The following ERC1 variants were observed in gnomAD, a reference collection of about 807,000 sequenced individuals.
ERC1 encodes the protein ELKS/RAB6-interacting/CAST family member 1.
In ERC1, 56 loss-of-function variants were observed where a neutral mutation model predicts 132.0. That is an observed-to-expected ratio of 0.42 (90% CI 0.34 to 0.53). The LOEUF (loss-of-function observed/expected upper bound fraction) is 0.53. Among genes scored for constraint, ERC1 ranks in the 20% least tolerant of loss-of-function variants. The pLI, the probability that ERC1 is intolerant of heterozygous loss-of-function variation, is 0.03. For missense variants in ERC1, 1,202 were observed against 1,349.9 expected (o/e 0.89, Z 1.72); for synonymous variants, 478 against 476.1 (o/e 1.00, Z -0.05).
intron 1 of ERC1, among the ~76,000 whole-genome samples, chr12:997,777 C>T (rs1422606437): frequency 6.6e-6 from 1 of 152,136 alleles, no homozygotes; most frequent in African/African-American, 2.4e-5. Flanking sequence ...AGCCTCATTT[C>T]CCAGTATTGG....
At chr12:1,418,366 G>A (rs967056665) in intron 17 of ERC1, among the ~76,000 whole-genome samples, 3 of 152,108 alleles carry the variant, frequency 2.0e-5, no homozygotes, top group African/African-American at 7.2e-5. Flanking sequence ...AACCTTCATT[G>A]CAGAGGTACC....
intron 1 of ERC1, among the ~76,000 whole-genome samples, chr12:1,007,540 C>CTCTCTCTCTGTGTGTG (rs1555194875): frequency 2.1e-3 from 254 of 122,758 alleles, no homozygotes; most frequent in Middle Eastern, 8.3e-3. Context: ...CTCTCTCTCT[C>CTCTCTCTCTGTGTGTG]TGTGTGTGTG....
intron 11 of ERC1, among the ~76,000 whole-genome samples, chr12:1,188,124 C>T (rs770806633): frequency 6.6e-6 from 1 of 152,130 alleles, no homozygotes; most frequent in Non-Finnish European, 1.5e-5. Context: ...TGCCAGCTGG[C>T]CTTCACTTTT....
intron 17 of ERC1, among the ~76,000 whole-genome samples, chr12:1,412,858 C>T (rs1373231407): frequency 1.3e-5 from 2 of 152,196 alleles, no homozygotes; most frequent in Non-Finnish European, 2.9e-5. Flanking sequence ...TAACTTAGAT[C>T]CGTCTCCAGG....
At chr12:1,382,190 A>T (rs928789785) in intron 16 of ERC1, among the ~76,000 whole-genome samples, 1 of 152,230 alleles carries the variant, frequency 6.6e-6, no homozygotes, top group Non-Finnish European at 1.5e-5. Context: ...AACACCATCA[A>T]CGAATATCAA....
At chr12:1,106,739 A>G (rs898549489) in intron 4 of ERC1, among the ~76,000 whole-genome samples, 17 of 152,116 alleles carry the variant, frequency 1.1e-4, no homozygotes, top group African/African-American at 4.1e-4. Context: ...AACACCTAAG[A>G]ATAAAACACA....
chr12:1,287,417 C>T (rs2079108264), intron 14 of ERC1, among the ~76,000 whole-genome samples: 1 of 152,098 alleles, frequency 6.6e-6, no homozygotes. Flanking sequence ...ATACTTGCTC[C>T]GACAGTATTC....
At chr12:1,311,573 G>A (rs73032733) in intron 15 of ERC1, among the ~76,000 whole-genome samples, 5,278 of 151,848 alleles carry the variant, frequency 0.035, 97 homozygotes, top group Middle Eastern at 0.075. Flanking sequence ...TTTTTTTCCC[G>A]TGAGCATCTG....
intron 15 of ERC1, among the ~76,000 whole-genome samples, chr12:1,293,014 G>A (rs754707402): frequency 6.6e-5 from 10 of 151,858 alleles, no homozygotes; most frequent in African/African-American, 1.4e-4. Flanking sequence ...GTGTGGTGGC[G>A]CACACTGTAA....
chr12:1,138,067 T>TAA (rs1949455447), intron 7 of ERC1, among the ~76,000 whole-genome samples: 2 of 130,752 alleles, frequency 1.5e-5, no homozygotes, highest in Non-Finnish European at 1.5e-5. Flanking sequence ...TAATTATATA[T>TAA]TGTTTTATAT....
chr12:1,266,499 G>C (rs2077494067), intron 14 of ERC1, among the ~76,000 whole-genome samples: 1 of 141,184 alleles, frequency 7.1e-6, no homozygotes, highest in Non-Finnish European at 1.5e-5. Flanking sequence ...CTGCCTCCAG[G>C]GTTCAAGCCA....
intron 17 of ERC1, among the ~76,000 whole-genome samples, chr12:1,409,704 G>GTGTTT (rs1451960713): frequency 4.7e-5 from 7 of 149,206 alleles, no homozygotes; most frequent in African/African-American, 7.3e-5. Flanking sequence ...CCCATATACT[G>GTGTTT]TGTTTTGTTT....
intron 15 of ERC1, among the ~76,000 whole-genome samples, chr12:1,315,541 G>C (rs1376212941): frequency 6.6e-6 from 1 of 152,044 alleles, no homozygotes; most frequent in African/African-American, 2.4e-5. Flanking sequence ...AGTAGAGACG[G>C]GGTTTCACCA....
chr12:1,304,607 T>C (rs922710770), intron 15 of ERC1, among the ~76,000 whole-genome samples: 2 of 152,186 alleles, frequency 1.3e-5, no homozygotes, highest in African/African-American at 4.8e-5. Context: ...TCTTTCAATA[T>C]GCCTGGGTGT....
chr12:1,255,589 C>T (rs1169923305), intron 13 of ERC1, among the ~76,000 whole-genome samples: 2 of 148,460 alleles, frequency 1.3e-5, no homozygotes, highest in African/African-American at 2.5e-5. Flanking sequence ...CCTGTTTTTC[C>T]ACAACCTCTT....
At chr12:1,179,857 A>C (rs1954208399) in intron 8 of ERC1, among the ~76,000 whole-genome samples, 1 of 152,190 alleles carries the variant, frequency 6.6e-6, no homozygotes, top group Non-Finnish European at 1.5e-5. Flanking sequence ...GAATTCAACA[A>C]ACGTTTTTTG....
intron 13 of ERC1, among the ~76,000 whole-genome samples, chr12:1,252,220 A>T (rs1261185488): frequency 2.0e-5 from 3 of 152,148 alleles, no homozygotes; most frequent in Non-Finnish European, 4.4e-5. Flanking sequence ...ATGCCACTGA[A>T]TGCTAATCCT....
intron 15 of ERC1, among the ~76,000 whole-genome samples, chr12:1,364,047 T>C (rs773515751): frequency 5.6e-4 from 85 of 152,224 alleles, no homozygotes; most frequent in Non-Finnish European, 2.1e-4. Context: ...TAGTCTGTAT[T>C]TGGTGACCTT....
intron 8 of ERC1, among the ~76,000 whole-genome samples, chr12:1,155,642 A>G (rs990305805): frequency 6.6e-6 from 1 of 151,946 alleles, no homozygotes; most frequent in Non-Finnish European, 1.5e-5. Context: ...ACGCCCGGCT[A>G]ATTTTTTGTA....
Sources: gnomAD v4.1 joint callset for allele counts (sites outside exome capture counted in the v4.1 genomes callset) on GRCh38, gnomAD v4.1.1 for gene constraint, MANE v1.5 for transcripts, NCBI Gene and HGNC (gene_info 2026-07-23, HGNC 2026-07-21) for gene names.